The following PTPRT variants were observed in gnomAD, a reference collection of about 807,000 sequenced individuals.
PTPRT encodes protein tyrosine phosphatase receptor type T, also known as receptor-type tyrosine-protein phosphatase T.
A neutral mutation model predicts 176.8 loss-of-function variants in PTPRT; 56 were observed. The ratio of observed to expected loss-of-function variants is 0.32; its 90% CI spans 0.26 to 0.40. The LOEUF is 0.40. Ranked by LOEUF, PTPRT falls within the 10% of genes least tolerant of loss-of-function variation. PTPRT has a pLI of 1.00. For synonymous variants in PTPRT, 783 were observed against 739.0 expected, an observed-to-expected ratio of 1.06 and a Z score of -0.96; for missense variants, 1,540 against 1,908.2, an observed-to-expected ratio of 0.81 and a Z score of 3.60.
In PTPRT at chr20:42,226,685, T is replaced by C. The variant is rs56769691; in HGVS notation, c.2342+9544A>G. On this transcript the variant is annotated intron_variant, in intron 15 of 30. Coordinates refer to ENST00000373187, the MANE Select transcript of PTPRT (RefSeq NM_007050.6). ...TTTGGGGGATGCTTGCTGAAGGTAG[T>C]GCTTTCGGAAGTAAACCCAATCCTG... 3.4e-3 allele frequency among the ~76,000 whole-genome samples: 523 copies of C among 152,306 alleles called. 4 individuals carry two copies. Among genetic ancestry groups the C allele is most frequent in the African/African-American group, 0.012 (501 of 41,580 alleles).
rs910706995 is a variant in PTPRT, at chr20:42,172,278, A to G, written c.2492-10736T>C. 1.4e-4 allele frequency among the ~76,000 whole-genome samples: 22 copies of G among 152,350 alleles called. No homozygotes were observed. The East Asian group carries it at 4.0e-3, about 28-fold the overall frequency. ...GATACAGCAGAGGAGCTGAAAAAAA[A>G]CAGCAAAAGCTGGCTCTTTCCTTTG... On this transcript the variant is annotated intron_variant, in intron 16 of 30. Transcript: ENST00000373187.
chr20:42,539,904 C>G (rs757029123), intron 7 of PTPRT, among the ~76,000 whole-genome samples: 1 of 151,800 alleles, frequency 6.6e-6, no homozygotes, highest in Non-Finnish European at 1.5e-5. Context: ...GTGGGTATTA[C>G]AGAACCAATC....
intron 9 of PTPRT, among the ~76,000 whole-genome samples, chr20:42,369,377 C>T (rs1158421822): frequency 2.0e-5 from 3 of 152,190 alleles, no homozygotes; most frequent in Non-Finnish European, 2.9e-5. Flanking sequence ...AGAGAAGGAA[C>T]GCACTACCTG....
chr20:42,325,404 G>A (rs1422780506), intron 11 of PTPRT, among the ~76,000 whole-genome samples: 1 of 152,098 alleles, frequency 6.6e-6, no homozygotes, highest in African/African-American at 2.4e-5. Flanking sequence ...AAATTTAGAG[G>A]AAGAAAATAT....
intron 2 of PTPRT, among the ~76,000 whole-genome samples, chr20:42,879,874 G>A (rs2145848693): frequency 6.6e-6 from 1 of 152,294 alleles, no homozygotes; most frequent in Non-Finnish European, 1.5e-5. Context: ...CTAGAAATGT[G>A]TGTAGGAAAA....
At chr20:42,178,964 A>G (rs1234722469) in intron 16 of PTPRT, among the ~76,000 whole-genome samples, 1 of 152,194 alleles carries the variant, frequency 6.6e-6, no homozygotes, top group Non-Finnish European at 1.5e-5. Context: ...TTAAAGACAA[A>G]TCTTGAAAGG....
chr20:42,472,478 G>A lies in PTPRT; in HGVS notation c.1238C>T (p.Ala413Val), dbSNP rs751886972. The change falls in exon 8 of 31, where the codon GCG (alanine) becomes GTG (valine). Residue 413 changes from alanine to valine, a missense_variant. Coordinates refer to ENST00000373187, the MANE Select transcript of PTPRT (RefSeq NM_007050.6). ...GTTGTAGCTATGGCAGCGGGTCACCGCGTAGCCGAAGGGCTCCCACTGCAG... is the reference window on the plus strand; with the variant it reads ...GTTGTAGCTATGGCAGCGGGTCACCACGTAGCCGAAGGGCTCCCACTGCAG... ...LTLQWEPFGYAVTRCHSYNLT... is the reference protein window; with the variant it reads ...LTLQWEPFGYVVTRCHSYNLT... 14 of 1,614,120 alleles carry A rather than the reference G, an allele frequency of 8.7e-6. No individual in the cohort carries two copies. The highest frequency in any genetic ancestry group is 4.4e-5 in the South Asian group (4 of 91,090).
At chr20:43,050,422 G>A (rs1009559799) in intron 1 of PTPRT, among the ~76,000 whole-genome samples, 2 of 152,198 alleles carry the variant, frequency 1.3e-5, no homozygotes, top group Admixed American at 1.3e-4. Flanking sequence ...GATTGGTGCT[G>A]AGCAAGGCCA....
At chr20:42,955,402 G>A (rs553146421) in intron 1 of PTPRT, among the ~76,000 whole-genome samples, 15 of 152,274 alleles carry the variant, frequency 9.9e-5, no homozygotes, top group African/African-American at 3.4e-4. Flanking sequence ...GTCACAAGCA[G>A]CATCTTTTAA....
In PTPRT at chr20:42,242,644, C is replaced by T. The variant is rs371728695; in HGVS notation, c.2312+6043G>A. The stretch of plus-strand genomic sequence containing the variant: ...AGAAGAAGAAAGTTCGTAAGCAAAA[C>T]TTATGGAGCAGAGGTGAGACTTTAG... On this transcript the variant is annotated intron_variant, in intron 14 of 30. Transcript: ENST00000373187. Among the ~76,000 whole-genome samples, 14 of 152,104 alleles carry T rather than the reference C, an allele frequency of 9.2e-5. 1 individual carries two copies. In the East Asian group the frequency reaches 1.7e-3, roughly 19 times the overall value.
chr20:43,020,238 T>C (rs1985606774), intron 1 of PTPRT, among the ~76,000 whole-genome samples: 1 of 147,684 alleles, frequency 6.8e-6, no homozygotes, highest in Non-Finnish European at 1.5e-5. Flanking sequence ...TATATATATA[T>C]ATTTATGTTA....
At chr20:42,858,517 G>A (rs987154056) in intron 2 of PTPRT, among the ~76,000 whole-genome samples, 1 of 152,136 alleles carries the variant, frequency 6.6e-6, no homozygotes, top group Non-Finnish European at 1.5e-5. Flanking sequence ...AGATGAATTA[G>A]GTCATGAAGG....
At chr20:42,377,306 T>C (rs1391367409) in intron 9 of PTPRT, among the ~76,000 whole-genome samples, 2 of 152,040 alleles carry the variant, frequency 1.3e-5, no homozygotes, top group South Asian at 2.1e-4. Context: ...AATCCTCAAG[T>C]CTAATGCTCC....
chr20:42,606,898 T>C (rs1441642008), intron 7 of PTPRT: 1 of 152,220 alleles, frequency 6.6e-6, no homozygotes, highest in East Asian at 1.9e-4. Flanking sequence ...TCACAGCAGC[T>C]ATTCATCATA....
intron 6 of PTPRT, among the ~76,000 whole-genome samples, chr20:42,683,038 A>T (rs1250972069): frequency 2.6e-5 from 4 of 152,140 alleles, no homozygotes; most frequent in African/African-American, 4.8e-5. Flanking sequence ...AGGTGAGTGT[A>T]ACCTAGCCTC....
intron 6 of PTPRT, among the ~76,000 whole-genome samples, chr20:42,706,159 A>ATC (rs113720952): frequency 0.39 from 55,351 of 141,632 alleles, 11,230 homozygotes; most frequent in African/African-American, 0.56. Context: ...GTCTCTCTTT[A>ATC]TCTCTCTCTC....
chr20:42,243,431 G>A (rs2056394470), intron 14 of PTPRT, among the ~76,000 whole-genome samples: 2 of 152,156 alleles, frequency 1.3e-5, no homozygotes, highest in African/African-American at 4.8e-5. Flanking sequence ...GAACATCACT[G>A]GATCTTCCTG....
intron 2 of PTPRT, among the ~76,000 whole-genome samples, chr20:42,840,721 T>G (rs1302114135): frequency 1.3e-5 from 2 of 152,150 alleles, no homozygotes; most frequent in Non-Finnish European, 2.9e-5. Context: ...CCATCACATC[T>G]TTTTTAGAGA....
intron 17 of PTPRT, among the ~76,000 whole-genome samples, chr20:42,151,220 G>A (rs921050085): frequency 6.6e-6 from 1 of 151,746 alleles, no homozygotes; most frequent in Non-Finnish European, 1.5e-5. Flanking sequence ...GTGCCATGGT[G>A]GTTTGCTGCA....
Sources: gnomAD v4.1 joint callset for allele counts (sites outside exome capture counted in the v4.1 genomes callset) on GRCh38, gnomAD v4.1.1 for gene constraint, MANE v1.5 for transcripts, NCBI Gene and HGNC (gene_info 2026-07-23, HGNC 2026-07-21) for gene names.